Variants in CPAMD8 observed in about 807,000 individuals in gnomAD.
The protein encoded by CPAMD8 is C3 and PZP-like alpha-2-macroglobulin domain-containing protein 8.
CPAMD8 carries 146 observed loss-of-function variants against 224.7 expected under a neutral mutation model. The observed-to-expected ratio is 0.65, with a 90% CI of 0.57 to 0.75. The LOEUF is 0.75. Among genes scored for constraint, CPAMD8 ranks in the 30% least tolerant of loss-of-function variants. CPAMD8 has a pLI of 0.00. For missense variants in CPAMD8, 2,301 were observed against 2,537.5 expected (o/e 0.91, Z 2.00); for synonymous variants, 966 against 1,044.6 (o/e 0.92, Z 1.45).
At chr19:16,970,493 G>C (rs2055021187) in intron 18 of CPAMD8, among the ~76,000 whole-genome samples, 1 of 152,012 alleles carries the variant, frequency 6.6e-6, no homozygotes, top group Non-Finnish European at 1.5e-5. Flanking sequence ...GCTGAGGCAG[G>C]AGAATCACTT....
chr19:16,941,926 T>C (rs544963329), intron 22 of CPAMD8, among the ~76,000 whole-genome samples: 2 of 152,144 alleles, frequency 1.3e-5, no homozygotes, highest in Admixed American at 6.6e-5. Context: ...TGAGCTGAGA[T>C]CATGCCATTG....
rs1449788932 is a variant in CPAMD8 at position 16,954,780 on chromosome 19, C to T, written c.2277-2580G>A. Among the ~76,000 whole-genome samples, 9 of 151,936 alleles carry T rather than the reference C, an allele frequency of 5.9e-5. No homozygotes were observed. The East Asian group carries it at 1.4e-3, about 23-fold the overall frequency. On this transcript the variant is annotated intron_variant, in intron 19 of 41. Transcript: ENST00000443236. ...GGGGTGGATCACGAGGTCAGGAAATCGAGATCATCCTGGTCAACATGGTGA... is the reference window on the plus strand; with the variant it reads ...GGGGTGGATCACGAGGTCAGGAAATTGAGATCATCCTGGTCAACATGGTGA...
At position 16,915,835 on chromosome 19, in the gene CPAMD8, T is replaced by G. The variant is rs1039831517; in HGVS notation, c.3630-1022A>C. Among the ~76,000 whole-genome samples, 8 of 150,938 alleles carry G rather than the reference T, an allele frequency of 5.3e-5. No homozygotes were observed. The East Asian group carries it at 7.8e-4, about 15-fold the overall frequency. ...CGCCTGCCCGCCTGCCTGCCTTCCT[T>G]CCTTCCTTCCTTCCCTCCCTCCCTC... is the stretch of plus-strand genomic sequence containing the variant. On this transcript the variant is annotated intron_variant, in intron 27 of 41. Transcript: ENST00000443236.
chr19:16,965,697 A>G (rs2054805109), intron 18 of CPAMD8, among the ~76,000 whole-genome samples: 1 of 152,204 alleles, frequency 6.6e-6, no homozygotes, highest in African/African-American at 2.4e-5. Context: ...TACACCAATT[A>G]ACAGACAAAC....
At chr19:16,977,321 C>T in intron 15 of CPAMD8, 47 bp downstream of exon 15, 2 of 1,377,548 alleles carry the variant, frequency 1.5e-6, no homozygotes, top group Non-Finnish European at 2.1e-6. Flanking sequence ...TTGGAGAAGC[C>T]CCGATGGCCC....
rs201696227 is a variant in CPAMD8 at position 16,938,384 on chromosome 19, G to A, written c.2845+11C>T. The A allele has an allele frequency of 5.1e-5, 78 of 1,523,786 alleles. No homozygotes were observed. Among genetic ancestry groups the A allele is most frequent in the Admixed American group, 8.8e-5 (4 of 45,526 alleles). 94.4% of individuals were successfully genotyped at this position (1,523,786 alleles called of 1,614,324 possible). ...GGCCACACCTTAGCAGAATGGGCACGGGGGACTCACCACTGGGACAGAAGA... is the reference window on the plus strand; with the variant it reads ...GGCCACACCTTAGCAGAATGGGCACAGGGGACTCACCACTGGGACAGAAGA... On this transcript the variant is annotated intron_variant, in intron 23 of 41. Transcript: ENST00000443236.
At chr19:16,956,157 C>T (rs1192114711) in intron 19 of CPAMD8, among the ~76,000 whole-genome samples, 1 of 152,124 alleles carries the variant, frequency 6.6e-6, no homozygotes, top group East Asian at 1.9e-4. Flanking sequence ...GCACCCCTAA[C>T]CCCACCCCCA....
intron 17 of CPAMD8, among the ~76,000 whole-genome samples, chr19:16,972,439 A>ATT (rs879294580): frequency 6.8e-5 from 10 of 147,140 alleles, no homozygotes; most frequent in Non-Finnish European, 1.4e-4. Flanking sequence ...GTGAACAAGA[A>ATT]TTTTTTTTTT....
rs1021590958 is a variant in CPAMD8, at chr19:16,947,281, G to C, written c.2509-54C>G. 12 of 1,565,878 alleles carry C rather than the reference G, an allele frequency of 7.7e-6. No homozygotes were observed. In the African/African-American group the frequency reaches 1.5e-4, roughly 19 times the overall value. Reference sequence around the variant, plus strand: ...CCTGGAATCCAGACCCCCTCCCAGTGCCTGGAGGCCCAACACACATCCCAC... The same window carrying C: ...CCTGGAATCCAGACCCCCTCCCAGTCCCTGGAGGCCCAACACACATCCCAC... On this transcript the variant is annotated intron_variant, in intron 20 of 41. Coordinates refer to ENST00000443236, the MANE Select transcript of CPAMD8 (RefSeq NM_015692.5).
intron 29 of CPAMD8, among the ~76,000 whole-genome samples, chr19:16,911,049 T>C (rs2052707255): frequency 6.6e-6 from 1 of 152,240 alleles, no homozygotes; most frequent in South Asian, 2.1e-4. Context: ...CAATTTGTTA[T>C]GGCAGCCACA....
At position 16,904,551 on chromosome 19, in the gene CPAMD8, A is replaced by C; in HGVS notation, c.4029T>G (p.Asp1343Glu). The C allele has an allele frequency of 2.5e-6, 4 of 1,610,174 alleles. No homozygotes were observed. Among genetic ancestry groups the C allele is most frequent in the Non-Finnish European group, 3.4e-6 (4 of 1,176,444 alleles). The change falls in exon 31 of 42, where the codon GAT (aspartate) becomes GAG (glutamate). Residue 1343 changes from aspartate (D) to glutamate (E), a missense_variant and splice_region_variant. By Grantham distance (45) the Asp-to-Glu change is conservative (BLOSUM62 2). Around this residue, in one of 4 missense-constraint regions of CPAMD8, gnomAD observed 1,709 missense variants for 1,753.2 expected, o/e 0.97. Transcript: ENST00000443236. Reference sequence around the variant, plus strand: ...TTGACAGGCTCCAGTGGGTGACCCCATCTGCAAGGAAAGGAGTGGTCAAGA... The same window carrying C: ...TTGACAGGCTCCAGTGGGTGACCCCCTCTGCAAGGAAAGGAGTGGTCAAGA... Reference protein sequence around the residue: ...RKLRSLAIMRDGVTHWSLSNS... With the variant: ...RKLRSLAIMREGVTHWSLSNS...
Sources: gnomAD v4.1 joint callset for allele counts (sites outside exome capture counted in the v4.1 genomes callset) on GRCh38, gnomAD v4.1.1 for gene constraint, gnomAD v4.1.1 regional missense constraint, MANE v1.5 for transcripts, NCBI Gene and HGNC (gene_info 2026-07-23, HGNC 2026-07-21) for gene names.